ZCCHC4: variants seen among roughly 807,000 people sequenced by gnomAD.
ZCCHC4 encodes the protein zinc finger CCHC-type containing 4.
Under a neutral mutation model 67.7 loss-of-function variants are expected in ZCCHC4, and 54 were observed. That is an observed-to-expected ratio of 0.80 (90% CI 0.64 to 1.00). The LOEUF (loss-of-function observed/expected upper bound fraction) is 1.00. ZCCHC4 is among the 50% of genes least tolerant of loss of function. The pLI, the probability that ZCCHC4 is intolerant of heterozygous loss-of-function variation, is 0.00. For missense variants in ZCCHC4, 609 were observed against 617.0 expected, an observed-to-expected ratio of 0.99 and a Z score of 0.14; for synonymous variants, 198 against 213.5, an observed-to-expected ratio of 0.93 and a Z score of 0.63.
In ZCCHC4 at chr4:25,359,427, A is replaced by G. The variant is rs1720636725; in HGVS notation, c.1012-2432A>G. ...AGGCGGGGCACCTGGAGGCTCGGCT[A>G]CAGAGCTTGGAAAAGGAATTAGAGG... On this transcript the variant is annotated intron_variant, in intron 8 of 12. Coordinates refer to ENST00000302874, the MANE Select transcript of ZCCHC4 (RefSeq NM_024936.3). This position sits in a 1 kb window ranked among gnomAD's most constrained non-coding sequence, Gnocchi z 4.9. 6.6e-6 allele frequency among the ~76,000 whole-genome samples: 1 copy of G among 152,160 alleles called. No individual in the cohort carries two copies. Among genetic ancestry groups the G allele is most frequent in the Non-Finnish European group, 1.5e-5 (1 of 68,034 alleles).
intron 3 of ZCCHC4, among the ~76,000 whole-genome samples, chr4:25,318,721 A>G (rs1488845261): frequency 2.0e-5 from 3 of 152,100 alleles, no homozygotes; most frequent in Non-Finnish European, 4.4e-5. Context: ...TTTGAAATTC[A>G]TATTTTATAT....
intron 12 of ZCCHC4, among the ~76,000 whole-genome samples, chr4:25,367,645 G>A (rs986472567): frequency 6.6e-6 from 1 of 152,138 alleles, no homozygotes; most frequent in African/African-American, 2.4e-5. Flanking sequence ...ATACTGTAAA[G>A]ATGACTTTTT....
At chr4:25,325,242 A>C (rs1049593742) in intron 3 of ZCCHC4, among the ~76,000 whole-genome samples, 1 of 38,698 alleles carries the variant, frequency 2.6e-5, no homozygotes, top group Non-Finnish European at 8.6e-5. Flanking sequence ...ACTCCGTCTC[A>C]AAAAAAAAAA....
At chr4:25,329,595 C>T (rs1282039340) in intron 3 of ZCCHC4, among the ~76,000 whole-genome samples, 26 of 139,726 alleles carry the variant, frequency 1.9e-4, no homozygotes, top group African/African-American at 6.7e-4. Context: ...AGTGCAGTGG[C>T]GTGATCTCGG....
rs1720634332 is a variant in ZCCHC4 at position 25,359,389 on chromosome 4, G to A, written c.1012-2470G>A. On this transcript the variant is annotated intron_variant, in intron 8 of 12. Coordinates refer to ENST00000302874, the MANE Select transcript of ZCCHC4 (RefSeq NM_024936.3). The surrounding 1 kb of genome is among the most constrained non-coding windows in gnomAD (Gnocchi z 4.9). The stretch of plus-strand genomic sequence containing the variant: ...AGAGTTAGAAGCTGCCATGAATGGG[G>A]ACCTCCAGGCACAGGCGGGGCACCT... 6.6e-6 allele frequency among the ~76,000 whole-genome samples: 1 copy of A among 152,158 alleles called. No individual in the cohort carries two copies. Among genetic ancestry groups the A allele is most frequent in the Non-Finnish European group, 1.5e-5 (1 of 68,026 alleles).
At chr4:25,337,621 A>C (rs1719520196) in intron 5 of ZCCHC4, among the ~76,000 whole-genome samples, 1 of 152,188 alleles carries the variant, frequency 6.6e-6, no homozygotes, top group African/African-American at 2.4e-5. Flanking sequence ...CACAGGAAAC[A>C]GGTGTTCGAC....
chr4:25,357,156 C>A lies in ZCCHC4; in HGVS notation c.1012-4703C>A, dbSNP rs571959189. 1.6e-3 allele frequency among the ~76,000 whole-genome samples: 248 copies of A among 152,330 alleles called. 2 individuals carry two copies. Among genetic ancestry groups the A allele is most frequent in the African/African-American group, 5.8e-3 (240 of 41,578 alleles). ...TTCTCTGAAGCAATAAAGGATAAGTCCAATTGCTATTCCATATGACACACC... is the reference window on the plus strand; with the variant it reads ...TTCTCTGAAGCAATAAAGGATAAGTACAATTGCTATTCCATATGACACACC... On this transcript the variant is annotated intron_variant, in intron 8 of 12. Coordinates refer to ENST00000302874, the MANE Select transcript of ZCCHC4 (RefSeq NM_024936.3).
chr4:25,315,187 G>T (rs975958976), intron 2 of ZCCHC4, 131 bp from the exon 3 acceptor site: 1 of 754,072 alleles, frequency 1.3e-6, no homozygotes, highest in Non-Finnish European at 2.1e-6. Context: ...TCGCTGTTTT[G>T]TTTTCTCCTG....
At chr4:25,316,956 A>G (rs1163810082) in intron 3 of ZCCHC4, among the ~76,000 whole-genome samples, 2 of 152,190 alleles carry the variant, frequency 1.3e-5, no homozygotes, top group Admixed American at 1.3e-4. Flanking sequence ...AAATCTCTAA[A>G]CATCTATTTT....
chr4:25,357,615 TTCCCTTG>T (rs1328205904), intron 8 of ZCCHC4, among the ~76,000 whole-genome samples: 1 of 152,212 alleles, frequency 6.6e-6, no homozygotes, highest in African/African-American at 2.4e-5. Flanking sequence ...AGGCCTCTCT[TTCCCTTG>T]TCCTCAATTT....
chr4:25,349,721 C>T (rs1181479225), intron 7 of ZCCHC4, 79 bp downstream of exon 7: 3 of 1,449,300 alleles, frequency 2.1e-6, no homozygotes, highest in Non-Finnish European at 2.8e-6. Flanking sequence ...CTCAGTGAAT[C>T]AGAGCAGTGA....
chr4:25,358,768 G>A (rs992236014), intron 8 of ZCCHC4, among the ~76,000 whole-genome samples: 2 of 152,202 alleles, frequency 1.3e-5, no homozygotes, highest in African/African-American at 2.4e-5. Flanking sequence ...GTGATCACTC[G>A]TGAGCTCGTG....
chr4:25,314,850 T>C (rs569351710), intron 2 of ZCCHC4, among the ~76,000 whole-genome samples: 14 of 152,138 alleles, frequency 9.2e-5, no homozygotes, highest in Non-Finnish European at 1.8e-4. Flanking sequence ...AAAAAACACT[T>C]TTTTTGAACA....
At chr4:25,345,507 A>G (rs751671096) in intron 5 of ZCCHC4, 41 bp from the exon 6 acceptor site, 11 of 1,083,824 alleles carry the variant, frequency 1.0e-5, no homozygotes, top group East Asian at 9.5e-5. Flanking sequence ...TGTCTACTCT[A>G]TAGCTGTGAC....
chr4:25,324,714 C>T (rs1007903285), intron 3 of ZCCHC4, among the ~76,000 whole-genome samples: 1 of 152,168 alleles, frequency 6.6e-6, no homozygotes, highest in African/African-American at 2.4e-5. Flanking sequence ...TCCTACAACA[C>T]TTGTTATTAT....
At chr4:25,365,507 T>TG in intron 12 of ZCCHC4, 1 of 1,028,638 alleles carries the variant, frequency 9.7e-7, no homozygotes, top group Non-Finnish European at 1.2e-6. Flanking sequence ...CGTCAGGCTT[T>TG]GAGGGACAGA....
chr4:25,358,889 A>G (rs1324665101), intron 8 of ZCCHC4, among the ~76,000 whole-genome samples: 1 of 152,218 alleles, frequency 6.6e-6, no homozygotes, highest in African/African-American at 2.4e-5. Flanking sequence ...ACCCAGAGAG[A>G]GAGTAAAGCC....
chr4:25,328,726 C>T (rs1719022116), intron 3 of ZCCHC4, among the ~76,000 whole-genome samples: 1 of 151,796 alleles, frequency 6.6e-6, no homozygotes, highest in Non-Finnish European at 1.5e-5. Flanking sequence ...CAACTACAGG[C>T]ACTTGCCACC....
intron 3 of ZCCHC4, among the ~76,000 whole-genome samples, chr4:25,324,675 C>T (rs954548927): frequency 4.6e-5 from 7 of 152,196 alleles, no homozygotes; most frequent in Non-Finnish European, 8.8e-5. Flanking sequence ...CTATCAGCAA[C>T]GTACGAGGAA....
Sources: allele counts gnomAD v4.1 joint callset (sites outside exome capture counted in the v4.1 genomes callset), GRCh38; gene constraint gnomAD v4.1.1; non-coding constraint Gnocchi (gnomAD v3.1); transcripts MANE v1.5; gene names NCBI Gene and HGNC (gene_info 2026-07-23, HGNC 2026-07-21).